The following SNTG1 variants were observed in gnomAD, a reference collection of about 807,000 sequenced individuals.
SNTG1 encodes gamma-1-syntrophin.
In SNTG1, 39 loss-of-function variants were observed where a neutral mutation model predicts 74.7. The observed-to-expected ratio is 0.52, with a 90% CI of 0.40 to 0.68. The LOEUF (loss-of-function observed/expected upper bound fraction) is 0.68. Among genes scored for constraint, SNTG1 ranks in the 30% least tolerant of loss-of-function variants. SNTG1 has a pLI of 0.00. For missense variants in SNTG1, 685 were observed against 609.5 expected, an observed-to-expected ratio of 1.12 and a Z score of -1.30; for synonymous variants, 254 against 217.1, an observed-to-expected ratio of 1.17 and a Z score of -1.49.
intron 1 of SNTG1, among the ~76,000 whole-genome samples, chr8:49,913,701 T>C (rs1050875995): frequency 3.3e-5 from 5 of 152,238 alleles, no homozygotes; most frequent in African/African-American, 1.2e-4. Context: ...CAATCCTTTT[T>C]TTCCTCAGTG....
At chr8:50,291,732 G>A (rs550894545) in intron 2 of SNTG1, among the ~76,000 whole-genome samples, 15 of 152,168 alleles carry the variant, frequency 9.9e-5, no homozygotes, top group Admixed American at 2.0e-4. Flanking sequence ...AAATGAGATC[G>A]TAGAGACCAA....
In SNTG1 at chr8:50,422,277, A is replaced by G. The variant is rs12679391; in HGVS notation, c.163-16266A>G. ...CTATCTATCTATCTATCTACTATCT[A>G]TCTATCTATGTAGATAGGTAGATCA... On this transcript the variant is annotated intron_variant, in intron 4 of 18. Coordinates refer to ENST00000642720, the MANE Select transcript of SNTG1 (RefSeq NM_018967.5). Among the ~76,000 whole-genome samples, 225 of 151,688 alleles carry G rather than the reference A, an allele frequency of 1.5e-3. 1 individual carries two copies. Among genetic ancestry groups the G allele is most frequent in the Middle Eastern group, 0.01 (3 of 294 alleles).
intron 4 of SNTG1, among the ~76,000 whole-genome samples, chr8:50,422,719 C>T (rs887709033): frequency 3.3e-5 from 5 of 152,100 alleles, no homozygotes; most frequent in Non-Finnish European, 7.3e-5. Context: ...AGGTGTTAGA[C>T]ATGCAGAAAC....
chr8:50,408,038 A>T (rs1020818691), intron 4 of SNTG1, among the ~76,000 whole-genome samples: 2 of 152,180 alleles, frequency 1.3e-5, no homozygotes, highest in African/African-American at 4.8e-5. Context: ...GGAAGTTACA[A>T]ATCTTCAGAC....
chr8:50,411,153 A>T (rs1319956858), intron 4 of SNTG1, among the ~76,000 whole-genome samples: 1 of 152,100 alleles, frequency 6.6e-6, no homozygotes, highest in Non-Finnish European at 1.5e-5. Flanking sequence ...TGCAAATAAG[A>T]CTAAGAAAAG....
chr8:50,076,348 T>A (rs1314938185), intron 1 of SNTG1, among the ~76,000 whole-genome samples: 1 of 152,132 alleles, frequency 6.6e-6, no homozygotes, highest in Non-Finnish European at 1.5e-5. Flanking sequence ...GTATTAATAG[T>A]ATGTTAGTAT....
chr8:50,675,874 A>G lies in SNTG1; in HGVS notation c.1038+17211A>G, dbSNP rs539748372. Reference sequence around the variant, plus strand: ...CCTGGTGGTAACGAAATCTCTCAGCATTTGCTTGTCTAGAAAGGATTTTAT... The same window carrying G: ...CCTGGTGGTAACGAAATCTCTCAGCGTTTGCTTGTCTAGAAAGGATTTTAT... On this transcript the variant is annotated intron_variant, in intron 15 of 18. Coordinates refer to ENST00000642720, the MANE Select transcript of SNTG1 (RefSeq NM_018967.5). Among the ~76,000 whole-genome samples, 13 of 152,024 alleles carry G rather than the reference A, an allele frequency of 8.6e-5. No individual in the cohort carries two copies. In the South Asian group the frequency reaches 1.0e-3, roughly 12 times the overall value.
chr8:50,522,945 A>G (rs917416578), intron 9 of SNTG1, among the ~76,000 whole-genome samples: 1 of 152,182 alleles, frequency 6.6e-6, no homozygotes, highest in South Asian at 2.1e-4. Context: ...TAATGGATAC[A>G]TCAAAAATCT....
chr8:50,026,274 G>GGGTAGT (rs1187106685), intron 1 of SNTG1, among the ~76,000 whole-genome samples: 1 of 152,090 alleles, frequency 6.6e-6, no homozygotes, highest in Non-Finnish European at 1.5e-5. Flanking sequence ...AATGTGCAGA[G>GGGTAGT]GGTAGTGGTT....
intron 1 of SNTG1, among the ~76,000 whole-genome samples, chr8:50,002,994 C>T (rs1421433814): frequency 1.3e-5 from 2 of 152,106 alleles, no homozygotes; most frequent in African/African-American, 4.8e-5. Flanking sequence ...AGAAGCAAGT[C>T]ACAAAGTCCC....
intron 17 of SNTG1, among the ~76,000 whole-genome samples, chr8:50,719,164 C>A (rs1260857133): frequency 6.6e-6 from 1 of 152,118 alleles, no homozygotes; most frequent in Non-Finnish European, 1.5e-5. Context: ...ACAAAAATAA[C>A]CTTTGCCATG....
intron 1 of SNTG1, among the ~76,000 whole-genome samples, chr8:49,970,221 T>G (rs934133328): frequency 6.6e-6 from 1 of 151,950 alleles, no homozygotes; most frequent in Non-Finnish European, 1.5e-5. Flanking sequence ...GAGTAAGAGG[T>G]GCTACGAGAT....
intron 1 of SNTG1, among the ~76,000 whole-genome samples, chr8:50,079,027 A>G (rs1822155295): frequency 6.6e-6 from 1 of 152,188 alleles, no homozygotes; most frequent in South Asian, 2.1e-4. Context: ...ATACATGTGC[A>G]TGTGTCTTTA....
chr8:50,653,496 C>A (rs1254830305), intron 13 of SNTG1, among the ~76,000 whole-genome samples: 1 of 152,158 alleles, frequency 6.6e-6, no homozygotes, highest in Non-Finnish European at 1.5e-5. Flanking sequence ...ATAACTAATA[C>A]CTTGTTTTGA....
chr8:50,026,754 A>C (rs1021834811), intron 1 of SNTG1, among the ~76,000 whole-genome samples: 1 of 152,072 alleles, frequency 6.6e-6, no homozygotes, highest in Non-Finnish European at 1.5e-5. Flanking sequence ...GAAAGGAACA[A>C]ATTTTAAATA....
intron 1 of SNTG1, among the ~76,000 whole-genome samples, chr8:49,949,286 A>C (rs749705815): frequency 6.6e-5 from 10 of 152,214 alleles, no homozygotes; most frequent in Non-Finnish European, 1.2e-4. Context: ...TCATCATGTG[A>C]AAAATGGTGC....
At chr8:50,195,792 T>C (rs977903568) in intron 2 of SNTG1, among the ~76,000 whole-genome samples, 11 of 152,142 alleles carry the variant, frequency 7.2e-5, no homozygotes, top group Non-Finnish European at 1.6e-4. Context: ...GTCTTCTGGG[T>C]CCTACAGGAG....
chr8:50,470,682 G>C (rs748394027), intron 8 of SNTG1, among the ~76,000 whole-genome samples: 8 of 152,126 alleles, frequency 5.3e-5, no homozygotes, highest in Non-Finnish European at 8.8e-5. Flanking sequence ...TGGTGGGTTC[G>C]TGGTGTTGCT....
intron 2 of SNTG1, among the ~76,000 whole-genome samples, chr8:50,335,376 G>A (rs1484644898): frequency 6.6e-6 from 1 of 152,120 alleles, no homozygotes; most frequent in Non-Finnish European, 1.5e-5. Context: ...CGTCAGCAGA[G>A]CACTGTTTCC....
Sources: gnomAD v4.1 joint callset for allele counts (sites outside exome capture counted in the v4.1 genomes callset) on GRCh38, gnomAD v4.1.1 for gene constraint, MANE v1.5 for transcripts, NCBI Gene and HGNC (gene_info 2026-07-23, HGNC 2026-07-21) for gene names.